CDIN1: variants seen among roughly 807,000 people sequenced by gnomAD.
The protein encoded by CDIN1 is CDAN1 interacting nuclease 1, also known as CDAN1-interacting nuclease 1.
In CDIN1, 33 loss-of-function variants were observed where a neutral mutation model predicts 45.3. The ratio of observed to expected loss-of-function variants is 0.73; its 90% confidence interval spans 0.55 to 0.97. The LOEUF is 0.97. Ranked by LOEUF, CDIN1 falls within the 50% of genes least tolerant of loss-of-function variation. The pLI, the probability that CDIN1 is intolerant of heterozygous loss-of-function variation, is 0.00. For synonymous variants in CDIN1, 118 were observed against 124.4 expected (o/e 0.95, Z 0.34); for missense variants, 303 against 339.4 (o/e 0.89, Z 0.84).
intron 10 of CDIN1, among the ~76,000 whole-genome samples, chr15:36,773,224 G>C (rs142378929): frequency 6.6e-6 from 1 of 152,178 alleles, no homozygotes; most frequent in African/African-American, 2.4e-5. Flanking sequence ...ACTTGTCTCT[G>C]AGGGATTTTC....
chr15:36,643,211 A>G (rs1252145939), intron 1 of CDIN1, among the ~76,000 whole-genome samples: 4 of 152,066 alleles, frequency 2.6e-5, no homozygotes, highest in Non-Finnish European at 4.4e-5. Flanking sequence ...TTCTTAACCT[A>G]CTCTTGTAAT....
At position 36,624,639 on chromosome 15, in the gene CDIN1, G is replaced by A. The variant is rs2039337723; in HGVS notation, c.102-19639G>A. ...TTAAAGGAACTGCATATTCAGGAAG[G>A]TACTTTTATGCAAGTTTTTGCATTT... On this transcript the variant is annotated intron_variant, in intron 1 of 10. Coordinates refer to ENST00000566621, the MANE Select transcript of CDIN1 (RefSeq NM_001321759.2). Among the ~76,000 whole-genome samples the A allele has an allele frequency of 3.3e-5, 5 of 152,250 alleles. No individual in the cohort carries two copies. The South Asian group carries it at 1.0e-3, about 32-fold the overall frequency.
At chr15:36,676,902 T>C (rs1324925653) in intron 5 of CDIN1, among the ~76,000 whole-genome samples, 1 of 152,098 alleles carries the variant, frequency 6.6e-6, no homozygotes, top group Non-Finnish European at 1.5e-5. Flanking sequence ...GTTTAAACTA[T>C]TTATAAAAGT....
At chr15:36,800,903 G>GTATATATATATATA (rs1372710724) in intron 10 of CDIN1, among the ~76,000 whole-genome samples, 5 of 20,024 alleles carry the variant, frequency 2.5e-4, no homozygotes, top group African/African-American at 3.8e-4. Flanking sequence ...GTGTGTGTGT[G>GTATATATATATATA]TGTGTGTATA....
chr15:36,679,822 C>T (rs550487106), intron 5 of CDIN1, among the ~76,000 whole-genome samples: 18 of 152,202 alleles, frequency 1.2e-4, no homozygotes, highest in Middle Eastern at 3.4e-3. Context: ...GCCAGGGCCC[C>T]TCACCCACAT....
At chr15:36,754,925 C>G (rs1428205306) in intron 10 of CDIN1, among the ~76,000 whole-genome samples, 2 of 152,084 alleles carry the variant, frequency 1.3e-5, no homozygotes, top group East Asian at 3.9e-4. Flanking sequence ...AGGCCCACCC[C>G]ATCATTTTCT....
intron 1 of CDIN1, among the ~76,000 whole-genome samples, chr15:36,600,952 T>C (rs1411784587): frequency 6.6e-6 from 1 of 152,198 alleles, no homozygotes; most frequent in East Asian, 1.9e-4. Context: ...TCTAAGTTAG[T>C]GATTGACTTT....
At chr15:36,716,544 C>T (rs1448321783) in intron 10 of CDIN1, among the ~76,000 whole-genome samples, 1 of 152,128 alleles carries the variant, frequency 6.6e-6, no homozygotes, top group African/African-American at 2.4e-5. Flanking sequence ...TAATGGTTCT[C>T]AAAGTTTACT....
rs576425914 is a variant in CDIN1, at chr15:36,773,198, C to T, written c.717-35126C>T. 8.5e-5 allele frequency among the ~76,000 whole-genome samples: 13 copies of T among 152,272 alleles called. No homozygotes were observed. The East Asian group carries it at 2.5e-3, about 29-fold the overall frequency. On this transcript the variant is annotated intron_variant, in intron 10 of 10. Transcript: ENST00000566621. ...GTGACTGAAAACTGAGATTTCTCTC[C>T]ACTCTTGCCAATGGCACTTGTCTCT... is the stretch of plus-strand genomic sequence containing the variant.
intron 8 of CDIN1, chr15:36,701,943 ATT>A: frequency 3.1e-6 from 2 of 644,152 alleles, no homozygotes; most frequent in South Asian, 3.5e-5. Context: ...CTGCTGCTTT[ATT>A]CCTCACCTGA....
At chr15:36,704,334 A>G (rs555187054) in intron 8 of CDIN1, 1 of 152,174 alleles carries the variant, frequency 6.6e-6, no homozygotes, top group East Asian at 1.9e-4. Flanking sequence ...ACTAACGGCT[A>G]TAATGAAGTT....
At chr15:36,773,410 A>G (rs1375271104) in intron 10 of CDIN1, among the ~76,000 whole-genome samples, 2 of 152,250 alleles carry the variant, frequency 1.3e-5, no homozygotes, top group African/African-American at 2.4e-5. Flanking sequence ...TGTGGCTAGT[A>G]TAACTGAGAA....
intron 7 of CDIN1, among the ~76,000 whole-genome samples, chr15:36,694,682 C>A (rs957526364): frequency 5.3e-5 from 8 of 152,138 alleles, no homozygotes; most frequent in Non-Finnish European, 4.4e-5. Context: ...AACCAGCCAC[C>A]TCAACTTTCC....
intron 1 of CDIN1, among the ~76,000 whole-genome samples, chr15:36,584,721 G>A (rs12911098): frequency 0.19 from 29,508 of 152,014 alleles, 3,390 homozygotes; most frequent in East Asian, 0.32. Flanking sequence ...CACTCACACT[G>A]GGGCTATTTA....
chr15:36,596,032 T>C (rs1036063389), intron 1 of CDIN1, among the ~76,000 whole-genome samples: 3 of 152,152 alleles, frequency 2.0e-5, no homozygotes, highest in Non-Finnish European at 4.4e-5. Context: ...CTTCCTCAAG[T>C]ATTCTAAAGA....
At chr15:36,794,378 G>T (rs2054735659) in intron 10 of CDIN1, among the ~76,000 whole-genome samples, 1 of 152,088 alleles carries the variant, frequency 6.6e-6, no homozygotes, top group Admixed American at 6.6e-5. Flanking sequence ...TCTTAAGCAT[G>T]TTTACATTTT....
chr15:36,808,638 T>C lies in CDIN1; in HGVS notation c.*185T>C. Reference sequence around the variant, plus strand: ...GTTTCTGTTTTCCTTCATCCCTTGCTGATGTGAACAGCCAAGAACTACAGA... The same window carrying C: ...GTTTCTGTTTTCCTTCATCCCTTGCCGATGTGAACAGCCAAGAACTACAGA... On this transcript the variant is annotated 3_prime_UTR_variant, in exon 11 of 11. Coordinates refer to ENST00000566621, the MANE Select transcript of CDIN1 (RefSeq NM_001321759.2). 1 of 771,724 alleles carries C rather than the reference T, an allele frequency of 1.3e-6. No homozygotes were observed. The highest frequency in any genetic ancestry group is 2.0e-6 in the Non-Finnish European group (1 of 492,922). The allele number at this position is 771,724 out of a possible 1,614,324, so 47.8% of individuals were successfully genotyped here.
At chr15:36,616,519 T>C (rs1457349094) in intron 1 of CDIN1, among the ~76,000 whole-genome samples, 1 of 151,904 alleles carries the variant, frequency 6.6e-6, no homozygotes, top group Non-Finnish European at 1.5e-5. Flanking sequence ...TGACCTCAGG[T>C]GATCCACCCG....
chr15:36,647,932 C>T (rs190270596), intron 3 of CDIN1, among the ~76,000 whole-genome samples: 18 of 151,564 alleles, frequency 1.2e-4, no homozygotes, highest in Non-Finnish European at 1.8e-4. Flanking sequence ...CTCCGCCTCC[C>T]GGGCTCACGC....
Sources: allele counts gnomAD v4.1 joint callset (sites outside exome capture counted in the v4.1 genomes callset), GRCh38; gene constraint gnomAD v4.1.1; transcripts MANE v1.5; gene names NCBI Gene and HGNC (gene_info 2026-07-23, HGNC 2026-07-21).